DOCK2: variants seen among roughly 807,000 people sequenced by gnomAD.
DOCK2 encodes the protein dedicator of cytokinesis 2.
DOCK2 carries 87 observed loss-of-function variants against 248.9 expected under a neutral mutation model. The observed-to-expected ratio is 0.35, with a 90% CI of 0.29 to 0.42. The LOEUF (loss-of-function observed/expected upper bound fraction) is 0.42, where lower values mean the gene tolerates loss of function less well. Ranked by LOEUF, DOCK2 falls within the 10% of genes least tolerant of loss-of-function variation. The pLI is 1.00. For synonymous variants in DOCK2, 805 were observed against 821.6 expected, an observed-to-expected ratio of 0.98 and a Z score of 0.35; for missense variants, 1,747 against 2,300.2, an observed-to-expected ratio of 0.76 and a Z score of 4.92.
At position 170,020,468 on chromosome 5, in the gene DOCK2, T is replaced by G. The variant is rs144518113; in HGVS notation, c.3381+1360T>G. 8.6e-3 allele frequency among the ~76,000 whole-genome samples: 1,315 copies of G among 152,342 alleles called. 8 individuals carry two copies. Among genetic ancestry groups the G allele is most frequent in the Admixed American group, 0.014 (210 of 15,308 alleles). ...ATCTAATGATGATGATGATGATGAT[T>G]ATAATGACTGACTTTAGATATTTAC... On this transcript the variant is annotated intron_variant, in intron 33 of 51. Coordinates refer to ENST00000520908, the MANE Select transcript of DOCK2 (RefSeq NM_004946.3).
At chr5:169,715,266 C>T (rs1289981205) in intron 19 of DOCK2, among the ~76,000 whole-genome samples, 1 of 152,142 alleles carries the variant, frequency 6.6e-6, no homozygotes, top group African/African-American at 2.4e-5. Flanking sequence ...TCCCAATGGT[C>T]CTGGAGATCT....
At chr5:169,938,945 C>T (rs1776112461) in intron 27 of DOCK2, among the ~76,000 whole-genome samples, 1 of 149,274 alleles carries the variant, frequency 6.7e-6, no homozygotes, top group African/African-American at 2.5e-5. Flanking sequence ...GCTCTGTCGC[C>T]CAGGCTGGAG....
At chr5:169,896,228 A>G (rs1773598749) in intron 27 of DOCK2, among the ~76,000 whole-genome samples, 1 of 152,146 alleles carries the variant, frequency 6.6e-6, no homozygotes, top group Non-Finnish European at 1.5e-5. Context: ...AGCTCACATC[A>G]ACATTCCCCA....
At chr5:169,702,213 C>T (rs1761009071) in intron 13 of DOCK2, 90 bp from the exon 14 acceptor site, 11 of 1,470,492 alleles carry the variant, frequency 7.5e-6, no homozygotes, top group Non-Finnish European at 9.2e-6. Context: ...GGTGGGAGAG[C>T]TTCTTCTCAC....
intron 45 of DOCK2, among the ~76,000 whole-genome samples, chr5:170,068,713 C>T (rs750554597): frequency 2.6e-5 from 4 of 152,304 alleles, no homozygotes; most frequent in Admixed American, 6.5e-5. Flanking sequence ...AGATTCCTTA[C>T]TGAATTATTT....
chr5:169,921,115 C>T (rs1164573418), intron 27 of DOCK2, among the ~76,000 whole-genome samples: 1 of 152,040 alleles, frequency 6.6e-6, no homozygotes, highest in African/African-American at 2.4e-5. Context: ...GGGAAAAGCA[C>T]GTAGGGTGAT....
At chr5:169,638,225 C>T (rs1041277152) in intron 1 of DOCK2, among the ~76,000 whole-genome samples, 1 of 152,220 alleles carries the variant, frequency 6.6e-6, no homozygotes, top group East Asian at 1.9e-4. Context: ...ATTGGAAGAC[C>T]CAAACACCCA....
intron 29 of DOCK2, among the ~76,000 whole-genome samples, chr5:169,992,013 G>A (rs1361746199): frequency 6.6e-6 from 1 of 152,138 alleles, no homozygotes; most frequent in Non-Finnish European, 1.5e-5. Flanking sequence ...GTGAGCTCAC[G>A]GCTTGGATTG....
At chr5:169,905,710 C>A (rs1003822997) in intron 27 of DOCK2, among the ~76,000 whole-genome samples, 7 of 152,156 alleles carry the variant, frequency 4.6e-5, no homozygotes, top group African/African-American at 1.4e-4. Flanking sequence ...CTGGGAGGGG[C>A]CACTAAATGG....
chr5:170,023,363 A>G lies in DOCK2; in HGVS notation c.3381+4255A>G, dbSNP rs191388670. 2.6e-3 allele frequency among the ~76,000 whole-genome samples: 399 copies of G among 152,304 alleles called. 4 individuals are homozygous for G. The South Asian group carries it at 0.039, about 15-fold the overall frequency. On this transcript the variant is annotated intron_variant, in intron 33 of 51. Coordinates refer to ENST00000520908, the MANE Select transcript of DOCK2 (RefSeq NM_004946.3). ...CTGAGACTGCATCTTGGCGTGGAGT[A>G]AGCTGGTGATTTAAATTGTTTAGAA... is the stretch of plus-strand genomic sequence containing the variant.
At chr5:169,692,765 T>C (rs554337417) in intron 9 of DOCK2, among the ~76,000 whole-genome samples, 1 of 152,220 alleles carries the variant, frequency 6.6e-6, no homozygotes, top group African/African-American at 2.4e-5. Flanking sequence ...GAGATTAAGG[T>C]GTTGGCAGGG....
At chr5:170,060,506 G>A (rs756050409) in intron 44 of DOCK2, among the ~76,000 whole-genome samples, 4 of 152,136 alleles carry the variant, frequency 2.6e-5, no homozygotes, top group Non-Finnish European at 5.9e-5. Context: ...ACAGACCTCC[G>A]CCAGCCTGGT....
chr5:169,781,150 C>T (rs1189103376), intron 25 of DOCK2, among the ~76,000 whole-genome samples: 1 of 152,084 alleles, frequency 6.6e-6, no homozygotes, highest in Non-Finnish European at 1.5e-5. Context: ...TGTGGACATG[C>T]TAAATGAACC....
chr5:169,804,044 T>C (rs1245375801), intron 26 of DOCK2, among the ~76,000 whole-genome samples: 4 of 152,190 alleles, frequency 2.6e-5, no homozygotes, highest in Non-Finnish European at 5.9e-5. Context: ...CAATACATTT[T>C]TTTCTAAGCA....
chr5:169,978,390 TGTG>T (rs761627957), intron 27 of DOCK2, among the ~76,000 whole-genome samples: 515 of 16,546 alleles, frequency 0.031, 14 homozygotes, highest in East Asian at 0.21. Flanking sequence ...TGTGTGTGTG[TGTG>T]GGGGGGGGGG....
At chr5:170,008,235 A>C (rs938762727) in intron 30 of DOCK2, among the ~76,000 whole-genome samples, 1 of 149,474 alleles carries the variant, frequency 6.7e-6, no homozygotes, top group Admixed American at 6.6e-5. Context: ...CAAAAAAAAA[A>C]AAACCTAAAA....
intron 27 of DOCK2, among the ~76,000 whole-genome samples, chr5:169,885,749 A>G (rs1473303895): frequency 3.3e-5 from 5 of 152,220 alleles, no homozygotes; most frequent in Admixed American, 6.5e-5. Flanking sequence ...AAACTACTCT[A>G]TAAGGTAGAT....
chr5:170,056,769 G>T lies in DOCK2; in HGVS notation c.4380+1G>T. ...CGTAGACCCAGAGAATGAGTTTGCT[G>T]TGAGTATCTTCCCTACCCTTGATCA... On this transcript the variant is annotated splice_donor_variant, in intron 43 of 51. Coordinates refer to ENST00000520908, the MANE Select transcript of DOCK2 (RefSeq NM_004946.3). LOFTEE classifies it high-confidence loss of function. 1 of 1,613,324 alleles carries T rather than the reference G, an allele frequency of 6.2e-7. No homozygotes were observed. The highest frequency in any genetic ancestry group is 8.5e-7 in the Non-Finnish European group (1 of 1,179,552).
chr5:170,060,308 G>A (rs1349417440), intron 44 of DOCK2, among the ~76,000 whole-genome samples: 1 of 152,180 alleles, frequency 6.6e-6, no homozygotes, highest in Non-Finnish European at 1.5e-5. Context: ...TCTGTAAATA[G>A]GAATTGCAAA....
Sources: gnomAD v4.1 joint callset for allele counts (sites outside exome capture counted in the v4.1 genomes callset) on GRCh38, gnomAD v4.1.1 for gene constraint, MANE v1.5 for transcripts, NCBI Gene and HGNC (gene_info 2026-07-23, HGNC 2026-07-21) for gene names.